PDE1A: variants seen among roughly 807,000 people sequenced by gnomAD.
PDE1A encodes the protein phosphodiesterase 1A, also known as dual specificity calcium/calmodulin-dependent 3',5'-cyclic nucleotide phosphodiesterase 1A.
In PDE1A, 35 loss-of-function variants were observed where a neutral mutation model predicts 61.7. That is an observed-to-expected ratio of 0.57 (90% CI 0.43 to 0.75). The LOEUF is 0.75. PDE1A is among the 30% of genes least tolerant of loss of function. The probability of loss-of-function intolerance (pLI) is 0.00; values close to 1 mark genes in which losing one functional copy is unlikely to be tolerated. For missense variants in PDE1A, 597 were observed against 630.6 expected, an observed-to-expected ratio of 0.95 and a Z score of 0.57; for synonymous variants, 232 against 213.2, an observed-to-expected ratio of 1.09 and a Z score of -0.77.
chr2:182,297,147 A>T (rs1694939918), intron 1 of PDE1A, among the ~76,000 whole-genome samples: 2 of 152,224 alleles, frequency 1.3e-5, no homozygotes, highest in African/African-American at 2.4e-5. Context: ...ACTGACTAAT[A>T]TGATATATTA....
At chr2:182,601,366 C>A in the PDE1A span, among the ~76,000 whole-genome samples, 1 of 152,222 alleles carries the variant, frequency 6.6e-6, no homozygotes, top group East Asian at 1.9e-4. Context: ...TTCAGCAGCA[C>A]GCAGAAGCTC....
At chr2:182,455,926 G>A (rs1035391519) in intron 2 of PDE1A, among the ~76,000 whole-genome samples, 4 of 148,782 alleles carry the variant, frequency 2.7e-5, no homozygotes. Flanking sequence ...CAGGTTAAGA[G>A]AAAAAAAAAA....
intron 13 of PDE1A, among the ~76,000 whole-genome samples, chr2:182,170,480 T>G (rs1267635577): frequency 6.6e-6 from 1 of 152,082 alleles, no homozygotes; most frequent in African/African-American, 2.4e-5. Context: ...TATGCTAGTC[T>G]TTGGGGTAAG....
intron 1 of PDE1A, among the ~76,000 whole-genome samples, chr2:182,358,152 A>G (rs1699302541): frequency 6.6e-6 from 1 of 152,110 alleles, no homozygotes; most frequent in Non-Finnish European, 1.5e-5. Context: ...GAATCCGATG[A>G]TACCACCTTT....
At chr2:182,240,876 T>A (rs996635563) in intron 2 of PDE1A, among the ~76,000 whole-genome samples, 2 of 151,976 alleles carry the variant, frequency 1.3e-5, no homozygotes, top group Non-Finnish European at 2.9e-5. Context: ...TCTATCAATG[T>A]CACAGATTTT....
Position 182,162,083 on chromosome 2 carries a change from A to T in PDE1A, c.1517-14931T>A, listed in dbSNP as rs909145872. Among the ~76,000 whole-genome samples the T allele has an allele frequency of 4.6e-5, 7 of 152,214 alleles. No individual in the cohort carries two copies. In the East Asian group the frequency reaches 1.4e-3, roughly 29 times the overall value. ...CACACTGGGAGGGTCCAGAAGATAC[A>T]CCTTTCACTAATATTTTAAGAAATA... On this transcript the variant is annotated intron_variant, in intron 13 of 13. Coordinates refer to the PDE1A transcript ENST00000409365.
chr2:182,293,582 C>T (rs1054139195), intron 1 of PDE1A, among the ~76,000 whole-genome samples: 1 of 152,010 alleles, frequency 6.6e-6, no homozygotes, highest in Non-Finnish European at 1.5e-5. Context: ...CAATAGTGTC[C>T]CCTCATTCGT....
At chr2:182,400,889 G>A (rs1701964572) in intron 1 of PDE1A, among the ~76,000 whole-genome samples, 1 of 152,144 alleles carries the variant, frequency 6.6e-6, no homozygotes, top group Non-Finnish European at 1.5e-5. Flanking sequence ...CAAAATGTCA[G>A]AGCATTTCTC....
chr2:182,192,141 G>C (rs1176503759), intron 10 of PDE1A, among the ~76,000 whole-genome samples: 4 of 152,090 alleles, frequency 2.6e-5, no homozygotes, highest in Non-Finnish European at 4.4e-5. Context: ...ACTGGCGTGA[G>C]CCACTGTGCC....
At chr2:182,333,380 C>G (rs1697556825) in intron 1 of PDE1A, among the ~76,000 whole-genome samples, 2 of 152,192 alleles carry the variant, frequency 1.3e-5, no homozygotes, top group South Asian at 4.1e-4. Context: ...AACAAACAGC[C>G]TCTCAGACCA....
exon 9 of PDE1A, chr2:182,201,776 G>C (rs1363883874): frequency 1.2e-6 from 2 of 1,604,238 alleles, no homozygotes; most frequent in African/African-American, 1.3e-5. Flanking sequence ...TCAATCACTA[G>C]GTTCCGAAGA....
intron 2 of PDE1A, among the ~76,000 whole-genome samples, chr2:182,436,425 T>A (rs1044976637): frequency 6.6e-6 from 1 of 152,026 alleles, no homozygotes; most frequent in Non-Finnish European, 1.5e-5. Context: ...TGGTCAGTAG[T>A]GCTTTCCCAA....
At chr2:182,653,829 A>G in the PDE1A span, among the ~76,000 whole-genome samples, 1 of 151,942 alleles carries the variant, frequency 6.6e-6, no homozygotes, top group Non-Finnish European at 1.5e-5. Context: ...CTACTCTGAA[A>G]CTCTGAAACT....
chr2:182,212,658 CG>C (rs1687737446), intron 7 of PDE1A, among the ~76,000 whole-genome samples: 1 of 151,710 alleles, frequency 6.6e-6, no homozygotes. Flanking sequence ...GGGTGATGGA[CG>C]GCACCTGGAA....
chr2:182,420,981 G>T (rs1703241638), intron 1 of PDE1A, among the ~76,000 whole-genome samples: 1 of 152,124 alleles, frequency 6.6e-6, no homozygotes, highest in Non-Finnish European at 1.5e-5. Context: ...TCCAGTCACA[G>T]AACTGAGAAG....
chr2:182,210,012 C>G (rs994819190), intron 7 of PDE1A, among the ~76,000 whole-genome samples: 1 of 152,102 alleles, frequency 6.6e-6, no homozygotes, highest in Non-Finnish European at 1.5e-5. Flanking sequence ...TTCTTGTCTG[C>G]ATATACCACA....
chr2:182,201,569 C>A lies in PDE1A; in HGVS notation c.1005-10G>T, dbSNP rs2125472405. On this transcript the variant is annotated splice_polypyrimidine_tract_variant and intron_variant, in intron 9 of 13. Transcript: ENST00000351439. The stretch of plus-strand genomic sequence containing the variant: ...TTTGGCTCTGTCAATCCTGTCAAAC[C>A]AAGGACATGCTTATATTATTCAAAA... 1 of 1,605,288 alleles carries A rather than the reference C, an allele frequency of 6.2e-7. No homozygotes were observed.
chr2:182,689,552 G>A, the PDE1A span, among the ~76,000 whole-genome samples: 43 of 151,968 alleles, frequency 2.8e-4, no homozygotes, highest in East Asian at 1.9e-3. Flanking sequence ...AATTTATAGC[G>A]CTAAATGCCC....
intron 2 of PDE1A, among the ~76,000 whole-genome samples, chr2:182,495,030 T>C (rs979617199): frequency 6.6e-6 from 1 of 152,150 alleles, no homozygotes; most frequent in Non-Finnish European, 1.5e-5. Context: ...AGTGGTCCAC[T>C]CTGTCGGGGG....
Sources: allele counts gnomAD v4.1 joint callset (sites outside exome capture counted in the v4.1 genomes callset), GRCh38; gene constraint gnomAD v4.1.1; transcripts MANE v1.5; gene names NCBI Gene and HGNC (gene_info 2026-07-23, HGNC 2026-07-21).